CLDN16: variants seen among roughly 807,000 people sequenced by gnomAD.
CLDN16 encodes claudin 16.
In CLDN16, 13 loss-of-function variants were observed where a neutral mutation model predicts 24.6. The observed-to-expected ratio is 0.53, with a 90% CI of 0.34 to 0.84. The LOEUF is 0.84. CLDN16 is among the 40% of genes least tolerant of loss of function. CLDN16 has a pLI of 0.01. For missense variants in CLDN16, 298 were observed against 292.7 expected, an observed-to-expected ratio of 1.02 and a Z score of -0.13; for synonymous variants, 116 against 106.7, an observed-to-expected ratio of 1.09 and a Z score of -0.54.
At chr3:190,308,290 T>G in the CLDN16 span, 1 of 1,613,726 alleles carries the variant, frequency 6.2e-7, no homozygotes. Flanking sequence ...CACGTAGTCT[T>G]TCCCGCTGGA....
chr3:190,353,638 C>T lies in CLDN16; in HGVS notation n.122-17255C>T, dbSNP rs1257169617. 5.3e-5 allele frequency among the ~76,000 whole-genome samples: 8 copies of T among 152,064 alleles called. No homozygotes were observed. The East Asian group carries it at 7.7e-4, about 15-fold the overall frequency. ...AATATACACTTAAGAGTCGTTCAAA[C>T]AATTGAGATATTAAATCATCCTCTT... On this transcript the variant is annotated intron_variant and non_coding_transcript_variant, in intron 1 of 4. Transcript: ENST00000468220.
upstream of CLDN16, chr3:190,322,046 C>T (rs777504205): frequency 6.2e-7 from 1 of 1,614,208 alleles, no homozygotes; most frequent in Non-Finnish European, 8.5e-7. Flanking sequence ...CTGCGACACG[C>T]AGGACATCCA....
chr3:190,365,134 A>G (rs1458060271), intron 1 of CLDN16, among the ~76,000 whole-genome samples: 4 of 151,770 alleles, frequency 2.6e-5, no homozygotes, highest in African/African-American at 4.8e-5. Context: ...TCTATTAACT[A>G]TCTTCACAGG....
rs146399517 is a variant in CLDN16 at position 190,360,441 on chromosome 3, A to T, written n.122-10452A>T. On this transcript the variant is annotated intron_variant and non_coding_transcript_variant, in intron 1 of 4. Coordinates refer to the CLDN16 transcript ENST00000468220. ...GTGAGGGAGTGGAGGCAGGAAGACC[A>T]TTTTAGGAAGTCTTCTCAATCATCA... Among the ~76,000 whole-genome samples, 356 of 152,060 alleles carry T rather than the reference A, an allele frequency of 2.3e-3. 1 individual carries two copies. The highest frequency in any genetic ancestry group is 6.8e-3 in the Middle Eastern group (2 of 294).
intron 1 of CLDN16, among the ~76,000 whole-genome samples, chr3:190,341,702 G>C (rs368412059): frequency 0.039 from 5,956 of 152,134 alleles, 384 homozygotes; most frequent in African/African-American, 0.13. Context: ...ATTTCTCCCC[G>C]CAGAATGAGA....
chr3:190,337,281 A>G (rs1717332459), intron 1 of CLDN16, among the ~76,000 whole-genome samples: 1 of 152,206 alleles, frequency 6.6e-6, no homozygotes, highest in African/African-American at 2.4e-5. Flanking sequence ...CTTGGCCTGA[A>G]CAAAGCAATG....
At position 190,346,267 on chromosome 3, in the gene CLDN16, G is replaced by GA. The variant is rs369567402; in HGVS notation, n.121+23615dup. Among the ~76,000 whole-genome samples the GA allele has an allele frequency of 7.8e-3, 1,179 of 150,632 alleles. 7 individuals carry two copies. Among genetic ancestry groups the GA allele is most frequent in the Non-Finnish European group, 0.013 (857 of 67,546 alleles). On this transcript the variant is annotated intron_variant and non_coding_transcript_variant, in intron 1 of 4. Coordinates refer to the CLDN16 transcript ENST00000468220. ...AAGAAGTTCTGTTTGCTTAGGGAAGGAAAAAAAAACTGAAGGAAAAAGAAG... is the reference window on the plus strand; with the variant it reads ...AAGAAGTTCTGTTTGCTTAGGGAAGGAAAAAAAAAACTGAAGGAAAAAGAAG...
chr3:190,344,593 G>A (rs1386786961), intron 1 of CLDN16, among the ~76,000 whole-genome samples: 5 of 151,706 alleles, frequency 3.3e-5, no homozygotes, highest in African/African-American at 1.2e-4. Context: ...AATTATATAT[G>A]TATGTATACT....
chr3:190,364,966 A>G (rs1259287217), intron 1 of CLDN16, among the ~76,000 whole-genome samples: 2 of 151,608 alleles, frequency 1.3e-5, no homozygotes, highest in Admixed American at 6.6e-5. Context: ...TCTTTAGTCA[A>G]TGGATACTTG....
the CLDN16 span, among the ~76,000 whole-genome samples, chr3:190,292,577 A>G: frequency 6.6e-6 from 1 of 152,140 alleles, no homozygotes; most frequent in Admixed American, 6.5e-5. Flanking sequence ...AGCTGGCTTG[A>G]ATTTCTCCCC....
chr3:190,331,699 A>G (rs990963403), intron 1 of CLDN16, among the ~76,000 whole-genome samples: 1 of 152,192 alleles, frequency 6.6e-6, no homozygotes, highest in Non-Finnish European at 1.5e-5. Flanking sequence ...AATTTTTAAA[A>G]TATCTCTCTA....
the CLDN16 span, among the ~76,000 whole-genome samples, chr3:190,297,609 TA>T: frequency 7.5e-6 from 1 of 133,302 alleles, no homozygotes; most frequent in African/African-American, 2.9e-5. Context: ...TATATATCTA[TA>T]ATATCTATAA....
the CLDN16 span, among the ~76,000 whole-genome samples, chr3:190,300,277 G>C: frequency 2.7e-5 from 4 of 146,450 alleles, no homozygotes; most frequent in East Asian, 1.9e-4. Context: ...AAATACAGAG[G>C]GGGCATTAGG....
chr3:190,389,595 C>G (rs1718598371), intron 1 of CLDN16, among the ~76,000 whole-genome samples: 1 of 152,184 alleles, frequency 6.6e-6, no homozygotes, highest in Non-Finnish European at 1.5e-5. Context: ...AGGAATACCT[C>G]TTTAATGCTA....
chr3:190,336,825 G>A (rs976347210), intron 1 of CLDN16, among the ~76,000 whole-genome samples: 2 of 152,180 alleles, frequency 1.3e-5, no homozygotes, highest in East Asian at 1.9e-4. Context: ...AGAACTGGAC[G>A]CTGGCAGTCC....
rs111525074 is a variant in CLDN16 at position 190,339,853 on chromosome 3, G to A, written n.121+17192G>A. On this transcript the variant is annotated intron_variant and non_coding_transcript_variant, in intron 1 of 4. Transcript: ENST00000468220. Reference sequence around the variant, plus strand: ...TTATACTAGAATTATAAGCAAAAGGGTGTGAAATCAAGAAAAACTATAGGA... The same window carrying A: ...TTATACTAGAATTATAAGCAAAAGGATGTGAAATCAAGAAAAACTATAGGA... Among the ~76,000 whole-genome samples, 172 of 152,188 alleles carry A rather than the reference G, an allele frequency of 1.1e-3. 1 individual carries two copies. The highest frequency in any genetic ancestry group is 4.0e-3 in the African/African-American group (166 of 41,516).
chr3:190,329,254 C>T (rs1480382156), intron 1 of CLDN16, among the ~76,000 whole-genome samples: 1 of 152,054 alleles, frequency 6.6e-6, no homozygotes, highest in Non-Finnish European at 1.5e-5. Flanking sequence ...TGAGTGCACC[C>T]ACCAGAGATG....
chr3:190,410,140 G>C lies in CLDN16; in HGVS notation c.*104G>C. On this transcript the variant is annotated 3_prime_UTR_variant, in exon 5 of 5. Transcript: ENST00000264734. ...GGAACAGTTATTTAGAATTCATATT[G>C]AATTAAATTAATTGCTAGCTTAATC... 7.8e-7 allele frequency: 1 copy of C among 1,288,092 alleles called. No homozygotes were observed. 79.8% of individuals were successfully genotyped at this position (1,288,092 alleles called of 1,614,324 possible).
upstream of CLDN16, among the ~76,000 whole-genome samples, chr3:190,383,778 A>T (rs1399064024): frequency 6.6e-6 from 1 of 152,064 alleles, no homozygotes; most frequent in Non-Finnish European, 1.5e-5. Flanking sequence ...TTATATATAG[A>T]TATAGATATA....
Sources: gnomAD v4.1 joint callset for allele counts (sites outside exome capture counted in the v4.1 genomes callset) on GRCh38, gnomAD v4.1.1 for gene constraint, MANE v1.5 for transcripts, NCBI Gene and HGNC (gene_info 2026-07-23, HGNC 2026-07-21) for gene names.